The following CLECL1 variants were observed in gnomAD, a reference collection of about 807,000 sequenced individuals.
CLECL1 encodes the protein C-type lectin-like domain family 1.
chr12:9,712,499 A>G (rs1435835705), downstream of CLECL1, among the ~76,000 whole-genome samples: 1 of 152,222 alleles, frequency 6.6e-6, no homozygotes, highest in Non-Finnish European at 1.5e-5. Flanking sequence ...TACAAATGAA[A>G]TCTTTTTATT....
chr12:9,730,348 G>A (rs1265442310), intron 1 of CLECL1, among the ~76,000 whole-genome samples: 1 of 152,180 alleles, frequency 6.6e-6, no homozygotes, highest in Non-Finnish European at 1.5e-5. Context: ...TAAAACAACA[G>A]TCTCTGGTAC....
At chr12:9,710,692 A>G in the CLECL1 span, among the ~76,000 whole-genome samples, 1 of 152,194 alleles carries the variant, frequency 6.6e-6, no homozygotes, top group African/African-American at 2.4e-5. Context: ...AGGAACACAC[A>G]GGGAGAGGAA....
At chr12:9,722,381 A>T, downstream of CLECL1, 1 of 457,344 alleles carries the variant, frequency 2.2e-6, no homozygotes, top group Non-Finnish European at 3.4e-6. Flanking sequence ...CTTAAGTTTT[A>T]AAATGAAATC....
chr12:9,725,809 CTTAG>C (rs1468146252), intron 3 of CLECL1, among the ~76,000 whole-genome samples: 30 of 152,152 alleles, frequency 2.0e-4, no homozygotes, highest in African/African-American at 3.6e-4. Context: ...AAGGAAGGCA[CTTAG>C]TTAGAAGCAG....
At chr12:9,716,667 C>T (rs1015650884) in exon 3 of CLECL1, 4 of 596,566 alleles carry the variant, frequency 6.7e-6, no homozygotes, top group Middle Eastern at 3.5e-4. Context: ...CATCAGAGGC[C>T]TCTTCCTAAG....
downstream of CLECL1, among the ~76,000 whole-genome samples, chr12:9,714,676 TA>T (rs1311039569): frequency 6.6e-6 from 1 of 152,062 alleles, no homozygotes; most frequent in Non-Finnish European, 1.5e-5. Context: ...TTTTAGAACT[TA>T]AAAATTGTCA....
intron 3 of CLECL1, among the ~76,000 whole-genome samples, chr12:9,723,777 A>G (rs1866343101): frequency 6.6e-6 from 1 of 152,186 alleles, no homozygotes; most frequent in East Asian, 1.9e-4. Flanking sequence ...CAAATCTCTG[A>G]CTGATGCAAG....
downstream of CLECL1, chr12:9,722,482 T>C: frequency 8.1e-7 from 1 of 1,228,594 alleles, no homozygotes; most frequent in South Asian, 2.4e-5. Context: ...AAAAAAAACC[T>C]CAAAGGTAAT....
downstream of CLECL1, among the ~76,000 whole-genome samples, chr12:9,718,480 G>A (rs1866263844): frequency 6.7e-6 from 1 of 149,884 alleles, no homozygotes; most frequent in Non-Finnish European, 1.5e-5. Context: ...GTGCATGCAC[G>A]TTTATAATTG....
At chr12:9,732,924 C>T (rs757292060) in intron 1 of CLECL1, 25 bp downstream of exon 1, 4 of 1,544,566 alleles carry the variant, frequency 2.6e-6, no homozygotes, top group Non-Finnish European at 3.5e-6. Context: ...TCTTAATTCT[C>T]AAAGGCACCC....
exon 3 of CLECL1, among the ~76,000 whole-genome samples, chr12:9,727,622 CATT>C (rs1319370277): frequency 6.6e-6 from 1 of 151,700 alleles, no homozygotes; most frequent in African/African-American, 2.4e-5. Context: ...TCTTTTGGCT[CATT>C]ATACAATTTA....
At chr12:9,717,225 A>G (rs962952950) in intron 2 of CLECL1, among the ~76,000 whole-genome samples, 20 of 152,218 alleles carry the variant, frequency 1.3e-4, no homozygotes, top group Non-Finnish European at 2.6e-4. Flanking sequence ...CCTGGCTAAC[A>G]CGGTGAAACC....
chr12:9,725,960 T>G (rs971519508), intron 3 of CLECL1, among the ~76,000 whole-genome samples: 1 of 152,004 alleles, frequency 6.6e-6, no homozygotes, highest in Non-Finnish European at 1.5e-5. Context: ...AGTGAGCCTT[T>G]CATCAGTCTG....
At chr12:9,721,434 G>A (rs933537468), downstream of CLECL1, among the ~76,000 whole-genome samples, 2 of 152,182 alleles carry the variant, frequency 1.3e-5, no homozygotes, top group Non-Finnish European at 1.5e-5. Context: ...GGGAACAATT[G>A]TGTCTGACTC....
intron 1 of CLECL1, 36 bp downstream of exon 1, chr12:9,732,913 A>C: frequency 6.6e-7 from 1 of 1,509,368 alleles, no homozygotes. Context: ...AACTAGTAAA[A>C]TCTTAATTCT....
At chr12:9,712,071 A>AG (rs1273820035), downstream of CLECL1, among the ~76,000 whole-genome samples, 1 of 152,184 alleles carries the variant, frequency 6.6e-6, no homozygotes, top group Non-Finnish European at 1.5e-5. Context: ...TTTTGAGGCC[A>AG]GTTTAAGACC....
At chr12:9,711,915 T>TCAAG (rs1249979727), downstream of CLECL1, among the ~76,000 whole-genome samples, 1 of 152,216 alleles carries the variant, frequency 6.6e-6, no homozygotes, top group Non-Finnish European at 1.5e-5. Flanking sequence ...TTAACATGAC[T>TCAAG]CAAGCTGAAA....
the CLECL1 span, among the ~76,000 whole-genome samples, chr12:9,706,023 ATTTG>A: frequency 6.6e-6 from 1 of 152,082 alleles, no homozygotes; most frequent in African/African-American, 2.4e-5. Context: ...ATGTTTTTCC[ATTTG>A]TTTGTGTCTT....
intron 3 of CLECL1, among the ~76,000 whole-genome samples, chr12:9,726,857 C>T (rs1365112343): frequency 6.6e-6 from 1 of 151,824 alleles, no homozygotes; most frequent in African/African-American, 2.4e-5. Context: ...AAAATATTAA[C>T]TTACATTGTA....
Sources: gnomAD v4.1 joint callset for allele counts (sites outside exome capture counted in the v4.1 genomes callset) on GRCh38, gnomAD v4.1.1 for gene constraint, MANE v1.5 for transcripts, NCBI Gene and HGNC (gene_info 2026-07-23, HGNC 2026-07-21) for gene names.